The following NRG3 variants were observed in gnomAD, a reference collection of about 807,000 sequenced individuals.
The protein encoded by NRG3 is pro-neuregulin-3, membrane-bound isoform.
Under a neutral mutation model 66.9 loss-of-function variants are expected in NRG3, and 31 were observed. The ratio of observed to expected loss-of-function variants is 0.46; its 90% CI spans 0.35 to 0.63. The LOEUF is 0.63. NRG3 is among the 20% of genes least tolerant of loss of function. The pLI, the probability that NRG3 is intolerant of heterozygous loss-of-function variation, is 0.00. For synonymous variants in NRG3, 393 were observed against 359.4 expected (o/e 1.09, Z -1.06); for missense variants, 910 against 878.9 (o/e 1.04, Z -0.45).
chr10:82,925,871 C>G (rs1364970817), intron 4 of NRG3, among the ~76,000 whole-genome samples: 4 of 152,160 alleles, frequency 2.6e-5, no homozygotes, highest in Non-Finnish European at 1.5e-5. Context: ...GCCCTACACC[C>G]CCTTTTGCAG....
chr10:82,481,426 T>C (rs922468721), intron 2 of NRG3, among the ~76,000 whole-genome samples: 4 of 152,212 alleles, frequency 2.6e-5, no homozygotes, highest in Non-Finnish European at 5.9e-5. Context: ...CTGTGTGATC[T>C]GGTATAGTCC....
intron 1 of NRG3, among the ~76,000 whole-genome samples, chr10:82,272,303 CA>C (rs1209070188): frequency 6.6e-6 from 1 of 151,872 alleles, no homozygotes; most frequent in Non-Finnish European, 1.5e-5. Flanking sequence ...AAAGAAGGGC[CA>C]GTTGGTAGCT....
In NRG3 at chr10:82,163,209, T is replaced by C. The variant is rs542370182; in HGVS notation, c.824-195530T>C. 2.0e-5 allele frequency among the ~76,000 whole-genome samples: 3 copies of C among 152,248 alleles called. No homozygotes were observed. In the East Asian group the frequency reaches 5.8e-4, roughly 29 times the overall value. On this transcript the variant is annotated intron_variant, in intron 1 of 8. Transcript: ENST00000372141. ...TCTCTTCTAATATAAGAAATTTCTT[T>C]TTTAACCTTCCACTCAAAAAGATTA...
chr10:82,851,732 A>G (rs1013641340), intron 3 of NRG3, among the ~76,000 whole-genome samples: 3 of 95,874 alleles, frequency 3.1e-5, no homozygotes, highest in Admixed American at 1.1e-4. Flanking sequence ...CCATGAAGCT[A>G]TATAGTTTTT....
chr10:82,961,152 T>A (rs1279907048), intron 6 of NRG3, among the ~76,000 whole-genome samples: 1 of 152,168 alleles, frequency 6.6e-6, no homozygotes, highest in African/African-American at 2.4e-5. Context: ...AGAAAACACT[T>A]CCATTTGCTA....
At chr10:82,418,557 CATT>C (rs1379268559) in intron 2 of NRG3, among the ~76,000 whole-genome samples, 5 of 151,166 alleles carry the variant, frequency 3.3e-5, no homozygotes, top group African/African-American at 4.8e-5. Context: ...GAAGTTATGA[CATT>C]ATGTTATTTG....
intron 1 of NRG3, among the ~76,000 whole-genome samples, chr10:82,027,473 T>C (rs1312188029): frequency 6.6e-6 from 1 of 152,110 alleles, no homozygotes; most frequent in Non-Finnish European, 1.5e-5. Context: ...TTAAGGCTTA[T>C]TAACTGAACT....
intron 1 of NRG3, among the ~76,000 whole-genome samples, chr10:81,906,681 G>C (rs566725936): frequency 2.6e-5 from 4 of 152,266 alleles, no homozygotes; most frequent in Admixed American, 2.0e-4. Context: ...TTTATTCTGT[G>C]AGAGATGGGA....
chr10:82,341,877 T>G (rs1390782512), intron 1 of NRG3, among the ~76,000 whole-genome samples: 1 of 152,058 alleles, frequency 6.6e-6, no homozygotes, highest in African/African-American at 2.4e-5. Context: ...CTGAGTTTAC[T>G]CTGTTTCTGA....
chr10:81,913,269 TCAC>T (rs911024032), intron 1 of NRG3, among the ~76,000 whole-genome samples: 11 of 152,268 alleles, frequency 7.2e-5, no homozygotes, highest in African/African-American at 2.4e-4. Context: ...CTTCTCCTCC[TCAC>T]CACCTTTGGA....
chr10:81,877,690 G>A lies in NRG3; in HGVS notation c.823+1527G>A, dbSNP rs1051247872. 9.2e-6 allele frequency: 12 copies of A among 1,305,206 alleles called. No individual in the cohort carries two copies. In the East Asian group the frequency reaches 3.5e-4, roughly 38 times the overall value. 80.9% of individuals were successfully genotyped at this position (1,305,206 alleles called of 1,614,324 possible). On this transcript the variant is annotated intron_variant, in intron 1 of 8. Transcript: ENST00000372141. ...GTCTAGAAGATAAATTGGGAGACAG[G>A]AAGGAGGGAAGGAAGGAATCTGCCA...
intron 3 of NRG3, among the ~76,000 whole-genome samples, chr10:82,815,446 T>A (rs1427318325): frequency 6.6e-6 from 1 of 152,196 alleles, no homozygotes; most frequent in Non-Finnish European, 1.5e-5. Context: ...GACACTTTTG[T>A]TTCTTTAAAT....
intron 3 of NRG3, among the ~76,000 whole-genome samples, chr10:82,794,308 A>G (rs1188268656): frequency 6.6e-6 from 1 of 152,148 alleles, no homozygotes; most frequent in African/African-American, 2.4e-5. Context: ...TTAGTATCAG[A>G]CTAGGGAACC....
chr10:82,018,054 T>G (rs1259759742), intron 1 of NRG3, among the ~76,000 whole-genome samples: 1 of 152,206 alleles, frequency 6.6e-6, no homozygotes, highest in Non-Finnish European at 1.5e-5. Flanking sequence ...CTTCTAGGGT[T>G]TTTATGGTTT....
intron 1 of NRG3, among the ~76,000 whole-genome samples, chr10:82,081,879 G>T (rs947688607): frequency 6.6e-6 from 1 of 152,142 alleles, no homozygotes; most frequent in Non-Finnish European, 1.5e-5. Context: ...AACAAGCCAG[G>T]TGCTGTGCCA....
At chr10:82,268,876 C>G (rs1013502000) in intron 1 of NRG3, among the ~76,000 whole-genome samples, 23 of 152,062 alleles carry the variant, frequency 1.5e-4, no homozygotes, top group African/African-American at 5.6e-4. Flanking sequence ...CATTATTTTC[C>G]ATGTAAATGG....
At chr10:82,832,313 A>C (rs1266596634) in intron 3 of NRG3, among the ~76,000 whole-genome samples, 1 of 152,154 alleles carries the variant, frequency 6.6e-6, no homozygotes, top group Non-Finnish European at 1.5e-5. Flanking sequence ...ACTTGGGCCC[A>C]GTTCTCAAAC....
chr10:82,971,126 T>A (rs1383971613), intron 6 of NRG3, among the ~76,000 whole-genome samples: 1 of 152,056 alleles, frequency 6.6e-6, no homozygotes, highest in Non-Finnish European at 1.5e-5. Flanking sequence ...TTCCATGAAT[T>A]AATAGAATGA....
intron 2 of NRG3, among the ~76,000 whole-genome samples, chr10:82,736,513 G>T (rs2058162049): frequency 1.3e-5 from 2 of 152,214 alleles, no homozygotes. Context: ...GGGCTTCCTA[G>T]CCTGGGCTAG....
Sources: gnomAD v4.1 joint callset for allele counts (sites outside exome capture counted in the v4.1 genomes callset) on GRCh38, gnomAD v4.1.1 for gene constraint, MANE v1.5 for transcripts, NCBI Gene and HGNC (gene_info 2026-07-23, HGNC 2026-07-21) for gene names.